The following ANKRD28 variants were observed in gnomAD, a reference collection of about 807,000 sequenced individuals.
ANKRD28 encodes serine/threonine-protein phosphatase 6 regulatory ankyrin repeat subunit A.
A neutral mutation model predicts 126.5 loss-of-function variants in ANKRD28; 44 were observed. The observed-to-expected ratio is 0.35, with a 90% confidence interval of 0.27 to 0.45. The LOEUF (loss-of-function observed/expected upper bound fraction) is 0.45. Ranked by LOEUF, ANKRD28 falls within the 20% of genes least tolerant of loss-of-function variation. The probability of loss-of-function intolerance (pLI) is 1.00; values close to 1 mark genes in which losing one functional copy is unlikely to be tolerated. For synonymous variants in ANKRD28, 442 were observed against 468.5 expected (o/e 0.94, Z 0.73); for missense variants, 1,110 against 1,316.6 (o/e 0.84, Z 2.43).
At position 15,695,178 on chromosome 3, in the gene ANKRD28, T is replaced by G. The variant is rs199914318; in HGVS notation, c.1686+10A>C. On this transcript the variant is annotated intron_variant, in intron 16 of 27. Coordinates refer to ENST00000683139, the MANE Select transcript of ANKRD28 (RefSeq NM_001349278.2). ...TACTAATTGGTGGGAGGGAATTGAC[T>G]AATACTTACAACATCTAGAGGAGTT... 5 of 1,591,710 alleles carry G rather than the reference T, an allele frequency of 3.1e-6. No homozygotes were observed. In the East Asian group the frequency reaches 9.0e-5, roughly 29 times the overall value.
At chr3:15,859,301 C>A in intron 1 of ANKRD28, 1 of 1,502,678 alleles carries the variant, frequency 6.7e-7, no homozygotes, top group Non-Finnish European at 8.8e-7. Flanking sequence ...GGCGTCCCAG[C>A]GGCCCACACC....
Position 15,808,214 on chromosome 3 carries a change from G to A in ANKRD28, c.28-12908C>T, listed in dbSNP as rs74613239. On this transcript the variant is annotated intron_variant, in intron 1 of 27. Transcript: ENST00000399451. ...TTAAGGAAGCAAATGGGGTTTTTGA[G>A]CTGGTGAGAACCAAATATCAACGGA... Among the ~76,000 whole-genome samples, 374 of 152,308 alleles carry A rather than the reference G, an allele frequency of 2.5e-3. 3 individuals are homozygous for A. Among genetic ancestry groups the A allele is most frequent in the African/African-American group, 7.0e-3 (289 of 41,572 alleles).
intron 1 of ANKRD28, among the ~76,000 whole-genome samples, chr3:15,848,536 A>ATAC (rs1413915821): frequency 1.2e-4 from 18 of 152,102 alleles, no homozygotes; most frequent in African/African-American, 4.3e-4. Flanking sequence ...TTAGCCAGGC[A>ATAC]TAGTGGTGCA....
intron 17 of ANKRD28, among the ~76,000 whole-genome samples, chr3:15,693,873 C>T (rs529312700): frequency 2.5e-4 from 38 of 151,722 alleles, no homozygotes; most frequent in Non-Finnish European, 4.3e-4. Flanking sequence ...TTAAAACACC[C>T]GCAAGGAGAA....
intron 2 of ANKRD28, among the ~76,000 whole-genome samples, chr3:15,777,849 T>TACACACACACACACACACACACACACAC (rs569761948): frequency 1.9e-5 from 2 of 106,136 alleles, no homozygotes; most frequent in Non-Finnish European, 2.0e-5. Flanking sequence ...AAAACCAAAC[T>TACACACACACACACACACACACACACAC]ACACACACAC....
intron 8 of ANKRD28, among the ~76,000 whole-genome samples, chr3:15,716,573 C>T (rs2073082059): frequency 6.6e-6 from 1 of 152,008 alleles, no homozygotes; most frequent in Non-Finnish European, 1.5e-5. Context: ...TGTGAGCCAC[C>T]ATGCCTGGCC....
At position 15,854,428 on chromosome 3, in the gene ANKRD28, T is replaced by G. The variant is rs1175150618; in HGVS notation, c.27+4949A>C. Among the ~76,000 whole-genome samples, 1 of 152,126 alleles carries G rather than the reference T, an allele frequency of 6.6e-6. No individual in the cohort carries two copies. Among genetic ancestry groups the G allele is most frequent in the African/African-American group, 2.4e-5 (1 of 41,424 alleles). ...TGAACCTAAAATACCTCCCCTGCCA[T>G]GAGGGTTTCCCTCCACTTACAATCA... On this transcript the variant is annotated intron_variant, in intron 1 of 27. Transcript: ENST00000399451. This position sits in a 1 kb window ranked among gnomAD's most constrained non-coding sequence, Gnocchi z 4.1.
intron 14 of ANKRD28, among the ~76,000 whole-genome samples, chr3:15,699,210 C>G (rs1219252923): frequency 6.6e-6 from 1 of 152,160 alleles, no homozygotes. Context: ...GAAACTGGAT[C>G]CCTTCCTTAC....
chr3:15,790,876 A>G (rs183671724), intron 2 of ANKRD28, among the ~76,000 whole-genome samples: 116 of 152,244 alleles, frequency 7.6e-4, no homozygotes, highest in Middle Eastern at 3.4e-3. Flanking sequence ...ATATAATCTT[A>G]TATTTGGAAA....
rs953529431 is a variant in ANKRD28, at chr3:15,667,839, T to C, written c.*2431A>G. 1.1e-4 allele frequency: 16 copies of C among 152,218 alleles called. 1 individual carries two copies. Among genetic ancestry groups the C allele is most frequent in the Admixed American group, 2.0e-4 (3 of 15,280 alleles). The allele number at this position is 152,218 out of a possible 1,614,324, so 9.4% of individuals were successfully genotyped here. The stretch of plus-strand genomic sequence containing the variant: ...ACATATAAGTGATGCAGGATAGAAG[T>C]TCTGGTGTATGTGATAAATTAAAAA... On this transcript the variant is annotated 3_prime_UTR_variant, in exon 28 of 28. Coordinates refer to ENST00000683139, the MANE Select transcript of ANKRD28 (RefSeq NM_001349278.2).
chr3:15,766,060 C>T (rs1225467451), intron 3 of ANKRD28, among the ~76,000 whole-genome samples, 174 bp downstream of exon 3: 1 of 151,996 alleles, frequency 6.6e-6, no homozygotes, highest in African/African-American at 2.4e-5. Flanking sequence ...GTACTCTAAG[C>T]ACCCAGAAAA....
chr3:15,798,274 G>C (rs2060368599), upstream of ANKRD28: 1 of 504,880 alleles, frequency 2.0e-6, no homozygotes, highest in Non-Finnish European at 2.6e-6. Flanking sequence ...GACAGTTGCA[G>C]TAAGAATATG....
chr3:15,859,580 CCCGCCGCCGCCGCCG>C lies in ANKRD28; in HGVS notation c.-192_-178del, dbSNP rs564654804. ...GGGGGCGGCGCCGCCTCCCCGGCCG[CCCGCCGCCGCCGCCG>C]CCGCCGCCGCCGCCGAGAGGTGAGG... On this transcript the variant is annotated 5_prime_UTR_variant, in exon 1 of 28. Coordinates refer to the ANKRD28 transcript ENST00000399451. 1.7e-3 allele frequency: 386 copies of C among 228,810 alleles called. 76 individuals carry two copies. The East Asian group carries it at 0.052, about 31-fold the overall frequency. The allele number at this position is 228,810 out of a possible 1,614,324, so 14.2% of individuals were successfully genotyped here. A position where few individuals can be genotyped will look rare whatever the true frequency, so the allele number is the denominator to read the frequency against.
intron 14 of ANKRD28, among the ~76,000 whole-genome samples, chr3:15,696,952 A>G (rs575125114): frequency 1.1e-3 from 163 of 152,326 alleles, no homozygotes; most frequent in Admixed American, 1.7e-3. Flanking sequence ...TACCCAGGGG[A>G]AAAGAAGTCA....
At chr3:15,729,345 A>G (rs888332947) in intron 6 of ANKRD28, among the ~76,000 whole-genome samples, 9 of 152,158 alleles carry the variant, frequency 5.9e-5, no homozygotes, top group Admixed American at 4.6e-4. Context: ...CCTCCCAATC[A>G]TTGCTATTAT....
At chr3:15,736,964 C>T (rs1041632788) in intron 5 of ANKRD28, 69 bp downstream of exon 5, 5 of 1,511,870 alleles carry the variant, frequency 3.3e-6, no homozygotes, top group African/African-American at 1.4e-5. Context: ...TGCAAAAATG[C>T]AAGTTCTTTA....
At chr3:15,771,125 C>G (rs1197199669) in intron 2 of ANKRD28, among the ~76,000 whole-genome samples, 2 of 152,082 alleles carry the variant, frequency 1.3e-5, no homozygotes, top group Non-Finnish European at 2.9e-5. Context: ...AAGCATGGCA[C>G]CAGGCAGGGC....
chr3:15,726,904 T>G (rs2074214328), intron 6 of ANKRD28, among the ~76,000 whole-genome samples: 1 of 152,232 alleles, frequency 6.6e-6, no homozygotes, highest in Non-Finnish European at 1.5e-5. Context: ...TGAATTATGC[T>G]AAATCCACTT....
intron 1 of ANKRD28, among the ~76,000 whole-genome samples, chr3:15,820,433 A>C (rs929569347): frequency 6.6e-6 from 1 of 152,242 alleles, no homozygotes; most frequent in Non-Finnish European, 1.5e-5. Context: ...AGATACAATC[A>C]GCTAAAGTAG....
Sources: gnomAD v4.1 joint callset for allele counts (sites outside exome capture counted in the v4.1 genomes callset) on GRCh38, gnomAD v4.1.1 for gene constraint, Gnocchi (gnomAD v3.1) non-coding constraint, MANE v1.5 for transcripts, NCBI Gene and HGNC (gene_info 2026-07-23, HGNC 2026-07-21) for gene names.